Variants in DPRX observed in about 807,000 individuals in gnomAD.
DPRX encodes the protein divergent paired-related homeobox.
In DPRX, 11 loss-of-function variants were observed where a neutral mutation model predicts 8.4. The ratio of observed to expected loss-of-function variants is 1.31; its 90% CI spans 0.82 to 2.17. DPRX has a LOEUF of 2.17. DPRX is among the 30% of genes most tolerant of loss of function. The pLI is 0.00. For missense variants in DPRX, 211 were observed against 236.7 expected (o/e 0.89, Z 0.71); for synonymous variants, 72 against 87.0 (o/e 0.83, Z 0.96).
chr19:53,627,711 G>A (rs1179228228), upstream of DPRX, among the ~76,000 whole-genome samples: 1 of 150,032 alleles, frequency 6.7e-6, no homozygotes, highest in Non-Finnish European at 1.5e-5. Flanking sequence ...AGTGCTGGGA[G>A]TACAGACATG....
chr19:53,629,546 A>AT (rs143537065), upstream of DPRX, among the ~76,000 whole-genome samples: 52,172 of 142,856 alleles, frequency 0.37, 10,738 homozygotes, highest in Non-Finnish European at 0.46. Context: ...CCGGCCTATG[A>AT]TTTTTTTTTT....
chr19:53,610,859 G>C, the DPRX span, among the ~76,000 whole-genome samples: 1 of 152,114 alleles, frequency 6.6e-6, no homozygotes, highest in African/African-American at 2.4e-5. Context: ...ACTGATTGTA[G>C]ACAAATAAGG....
the DPRX span, chr19:53,601,279 A>T: frequency 2.2e-6 from 1 of 454,636 alleles, no homozygotes; most frequent in East Asian, 7.0e-5. Context: ...CAACATCCAG[A>T]CTCCACATTG....
the DPRX span, among the ~76,000 whole-genome samples, chr19:53,619,854 C>CAAA: frequency 2.3e-4 from 26 of 111,056 alleles, no homozygotes; most frequent in African/African-American, 6.2e-4. Flanking sequence ...GACTCTATCT[C>CAAA]AAAAAAAAAA....
chr19:53,607,970 C>G, the DPRX span, among the ~76,000 whole-genome samples: 2 of 149,784 alleles, frequency 1.3e-5, no homozygotes, highest in Non-Finnish European at 3.0e-5. Flanking sequence ...GTCAGGAGTT[C>G]GAGACCAGCC....
chr19:53,635,577 C>A (rs1052521229), intron 2 of DPRX, among the ~76,000 whole-genome samples: 1 of 151,982 alleles, frequency 6.6e-6, no homozygotes, highest in African/African-American at 2.4e-5. Context: ...GATGGGGTTT[C>A]GTCATGTTGC....
the DPRX span, among the ~76,000 whole-genome samples, chr19:53,622,355 G>A: frequency 6.6e-6 from 1 of 152,022 alleles, no homozygotes; most frequent in African/African-American, 2.4e-5. Context: ...GAGAGAGAGG[G>A]GCTGGGCGTG....
the DPRX span, among the ~76,000 whole-genome samples, chr19:53,614,242 A>G: frequency 1.3e-5 from 2 of 152,086 alleles, no homozygotes; most frequent in Admixed American, 6.6e-5. Context: ...GAGCCACTGC[A>G]CCTGGCCTAA....
At chr19:53,636,555 A>G (rs1646462466) in intron 2 of DPRX, 41 bp from the exon 3 acceptor site, 2 of 1,392,104 alleles carry the variant, frequency 1.4e-6, no homozygotes, top group South Asian at 2.1e-5. Flanking sequence ...ATGACAAGTC[A>G]TCTGAATTCC....
chr19:53,627,435 CTTTCT>C (rs1428836669), upstream of DPRX, among the ~76,000 whole-genome samples: 50 of 102,542 alleles, frequency 4.9e-4, no homozygotes, highest in Non-Finnish European at 7.6e-4. Flanking sequence ...TTCTTTCTTT[CTTTCT>C]TTTTTTTTTT....
At chr19:53,611,946 T>C in the DPRX span, among the ~76,000 whole-genome samples, 1 of 151,814 alleles carries the variant, frequency 6.6e-6, no homozygotes, top group Non-Finnish European at 1.5e-5. Flanking sequence ...TAGCCGGGCA[T>C]GGTGGTGGGC....
the DPRX span, among the ~76,000 whole-genome samples, chr19:53,607,689 C>CAA: frequency 9.9e-3 from 1,282 of 129,040 alleles, 16 homozygotes; most frequent in Middle Eastern, 0.047. Flanking sequence ...CCGTCTCTAC[C>CAA]AAAAAAAAAA....
At chr19:53,633,265 C>T (rs1198791981) in intron 1 of DPRX, among the ~76,000 whole-genome samples, 3 of 152,258 alleles carry the variant, frequency 2.0e-5, no homozygotes, top group South Asian at 4.1e-4. Flanking sequence ...CTGGGCAACA[C>T]AGCAGTACAC....
chr19:53,625,343 C>T, the DPRX span, among the ~76,000 whole-genome samples: 1 of 152,104 alleles, frequency 6.6e-6, no homozygotes, highest in East Asian at 1.9e-4. Context: ...CATGAGCCAG[C>T]GTGTCTGGCC....
At chr19:53,603,832 C>G in the DPRX span, among the ~76,000 whole-genome samples, 50 of 151,674 alleles carry the variant, frequency 3.3e-4, no homozygotes, top group African/African-American at 1.2e-3. Context: ...CAACCACCCC[C>G]GCCTCCCAGG....
At chr19:53,602,776 AC>A in the DPRX span, among the ~76,000 whole-genome samples, 2 of 147,012 alleles carry the variant, frequency 1.4e-5, no homozygotes, top group African/African-American at 5.0e-5. Flanking sequence ...CTTGTGATCC[AC>A]TCCCCCCCGG....
chr19:53,611,957 G>A, the DPRX span, among the ~76,000 whole-genome samples: 6 of 152,032 alleles, frequency 3.9e-5, no homozygotes, highest in South Asian at 4.1e-4. Context: ...GGTGGTGGGC[G>A]CCTGTAATCC....
intron 2 of DPRX, among the ~76,000 whole-genome samples, 177 bp downstream of exon 2, chr19:53,634,862 T>A (rs1396138352): frequency 6.6e-6 from 1 of 151,996 alleles, no homozygotes; most frequent in Non-Finnish European, 1.5e-5. Context: ...AATGGGAAAA[T>A]TTTTCCAGTA....
chr19:53,602,181 T>C, the DPRX span: 1 of 453,986 alleles, frequency 2.2e-6, no homozygotes, highest in Middle Eastern at 3.3e-4. Context: ...AGGGTCAAGG[T>C]TGGGGAGAAC....
Sources: allele counts gnomAD v4.1 joint callset (sites outside exome capture counted in the v4.1 genomes callset), GRCh38; gene constraint gnomAD v4.1.1; transcripts MANE v1.5; gene names NCBI Gene and HGNC (gene_info 2026-07-23, HGNC 2026-07-21).